Variants in SLC13A4 observed in about 807,000 individuals in gnomAD.
SLC13A4 encodes solute carrier family 13 member 4.
SLC13A4 carries 28 observed loss-of-function variants against 72.7 expected under a neutral mutation model. That is an observed-to-expected ratio of 0.39 (90% CI 0.29 to 0.53). The LOEUF (loss-of-function observed/expected upper bound fraction) is 0.53. Among genes scored for constraint, SLC13A4 ranks in the 20% least tolerant of loss-of-function variants. SLC13A4 has a pLI of 0.78. For missense variants in SLC13A4, 653 were observed against 788.0 expected (o/e 0.83, Z 2.05); for synonymous variants, 312 against 325.5 (o/e 0.96, Z 0.45).
At chr7:135,691,028 A>G (rs1323201797) in intron 13 of SLC13A4, among the ~76,000 whole-genome samples, 173 bp downstream of exon 13, 1 of 152,026 alleles carries the variant, frequency 6.6e-6, no homozygotes, top group Admixed American at 6.6e-5. Flanking sequence ...AGCTGGCATC[A>G]TGGTGCACGC....
intron 14 of SLC13A4, among the ~76,000 whole-genome samples, chr7:135,685,240 A>G (rs979940382): frequency 6.6e-6 from 1 of 152,116 alleles, no homozygotes; most frequent in African/African-American, 2.4e-5. Flanking sequence ...ATTATTTTGT[A>G]TGTTCTTTGG....
At chr7:135,718,554 G>A (rs1410117064) in intron 2 of SLC13A4, among the ~76,000 whole-genome samples, 2 of 151,902 alleles carry the variant, frequency 1.3e-5, no homozygotes, top group Admixed American at 1.3e-4. Flanking sequence ...GTTTATATCT[G>A]GTGTATCTGA....
intron 2 of SLC13A4, among the ~76,000 whole-genome samples, chr7:135,719,139 G>A (rs899152912): frequency 2.6e-5 from 4 of 152,056 alleles, no homozygotes; most frequent in African/African-American, 4.8e-5. Context: ...TCCCTCCCTG[G>A]ACAGTCTTCC....
chr7:135,690,180 C>CAA lies in SLC13A4; in HGVS notation c.1446+1019_1446+1020dup, dbSNP rs57390577. Among the ~76,000 whole-genome samples the CAA allele has an allele frequency of 1.1e-3, 33 of 29,572 alleles. 1 individual carries two copies. The highest frequency in any genetic ancestry group is 1.4e-3 in the Non-Finnish European group (20 of 13,834). The allele number at this position is 29,572 out of a possible 152,430, so 19.4% of individuals were successfully genotyped here. A position where few individuals can be genotyped will look rare whatever the true frequency, so the allele number is the denominator to read the frequency against. On this transcript the variant is annotated intron_variant, in intron 13 of 15. Coordinates refer to ENST00000682651, the MANE Select transcript of SLC13A4 (RefSeq NM_001318192.2). Reference sequence around the variant, plus strand: ...TAGGTGACAGAGTGAGACTCTGTCTCAAAAAAAAAAAAAAAAAAAAAAAAA... The same window carrying CAA: ...TAGGTGACAGAGTGAGACTCTGTCTCAAAAAAAAAAAAAAAAAAAAAAAAAAA...
At chr7:135,711,829 C>T (rs1456719823) in intron 2 of SLC13A4, among the ~76,000 whole-genome samples, 1 of 152,044 alleles carries the variant, frequency 6.6e-6, no homozygotes, top group Non-Finnish European at 1.5e-5. Flanking sequence ...GCAATCTCGG[C>T]TCACTACAAC....
Position 135,692,219 on chromosome 7 carries a change from A to G in SLC13A4, c.1223+104T>C, listed in dbSNP as rs1795803666. The stretch of plus-strand genomic sequence containing the variant: ...CTAAAAAGAGTGGATTTCCTGGGGA[A>G]TGAAATCTTCCTGGCTTCATATCTG... On this transcript the variant is annotated intron_variant, in intron 11 of 15. Transcript: ENST00000682651. The G allele has an allele frequency of 6.0e-6, 5 of 839,882 alleles. No homozygotes were observed. The South Asian group carries it at 7.3e-5, about 12-fold the overall frequency. The allele number at this position is 839,882 out of a possible 1,614,324, so 52.0% of individuals were successfully genotyped here. A position where few individuals can be genotyped will look rare whatever the true frequency, so the allele number is the denominator to read the frequency against.
intron 3 of SLC13A4, among the ~76,000 whole-genome samples, chr7:135,706,748 A>G (rs1796172841): frequency 6.6e-6 from 1 of 152,214 alleles, no homozygotes; most frequent in African/African-American, 2.4e-5. Context: ...CACCATAGAT[A>G]TCAGTGACCC....
chr7:135,681,550 T>G lies in SLC13A4; in HGVS notation c.*13A>C, dbSNP rs766053386. The G allele has an allele frequency of 6.2e-7, 1 of 1,611,336 alleles. No individual in the cohort carries two copies. Among genetic ancestry groups the G allele is most frequent in the Non-Finnish European group, 8.5e-7 (1 of 1,178,326 alleles). On this transcript the variant is annotated 3_prime_UTR_variant, in exon 16 of 16. Coordinates refer to ENST00000682651, the MANE Select transcript of SLC13A4 (RefSeq NM_001318192.2). Reference sequence around the variant, plus strand: ...GGCAGCTCCTGTGGTTGGGCCAGTTTGTACACTTGGCGTTAGGCTTGATCA... The same window carrying G: ...GGCAGCTCCTGTGGTTGGGCCAGTTGGTACACTTGGCGTTAGGCTTGATCA...
At chr7:135,710,183 T>C (rs1796267322) in intron 2 of SLC13A4, among the ~76,000 whole-genome samples, 1 of 152,110 alleles carries the variant, frequency 6.6e-6, no homozygotes, top group Admixed American at 6.6e-5. Context: ...AGGAAATACA[T>C]AGTAAAATAC....
intron 10 of SLC13A4, chr7:135,693,125 ATAGT>A (rs1465067174): frequency 6.6e-6 from 1 of 150,942 alleles, no homozygotes; most frequent in Non-Finnish European, 1.5e-5. Flanking sequence ...AAAAAAAAAA[ATAGT>A]TGGTCATTCC....
At chr7:135,697,274 T>G (rs1422495831) in intron 8 of SLC13A4, among the ~76,000 whole-genome samples, 1 of 152,260 alleles carries the variant, frequency 6.6e-6, no homozygotes, top group African/African-American at 2.4e-5. Flanking sequence ...TGCCTTGACA[T>G]TCACAGGTCT....
intron 12 of SLC13A4, 102 bp downstream of exon 12, chr7:135,691,446 G>A (rs192537837): frequency 7.7e-6 from 5 of 649,922 alleles, no homozygotes; most frequent in East Asian, 4.6e-5. Flanking sequence ...GGCCGGGAGG[G>A]GGGTGGGAAT....
intron 1 of SLC13A4, among the ~76,000 whole-genome samples, chr7:135,724,279 G>T (rs1250685830): frequency 6.6e-6 from 1 of 152,186 alleles, no homozygotes; most frequent in Admixed American, 6.5e-5. Flanking sequence ...TGGATCAGTT[G>T]AGGTCAGGAG....
chr7:135,684,081 T>G, intron 15 of SLC13A4, 43 bp downstream of exon 15: 5 of 1,556,380 alleles, frequency 3.2e-6, no homozygotes, highest in Non-Finnish European at 4.4e-6. Context: ...ATCCCTGTCC[T>G]CATGGCAGCT....
At position 135,689,667 on chromosome 7, in the gene SLC13A4, A is replaced by G. The variant is rs372191232; in HGVS notation, c.1446+1534T>C. Reference sequence around the variant, plus strand: ...AGAACAGAGCTAGAGCCAACAGTGGACAGACAACATGCAGAAGACCTGAGC... The same window carrying G: ...AGAACAGAGCTAGAGCCAACAGTGGGCAGACAACATGCAGAAGACCTGAGC... On this transcript the variant is annotated intron_variant, in intron 13 of 15. Coordinates refer to ENST00000682651, the MANE Select transcript of SLC13A4 (RefSeq NM_001318192.2). Among the ~76,000 whole-genome samples, 120 of 152,242 alleles carry G rather than the reference A, an allele frequency of 7.9e-4. 1 individual carries two copies. The highest frequency in any genetic ancestry group is 2.8e-3 in the African/African-American group (116 of 41,540).
Position 135,681,504 on chromosome 7 carries a change from G to A in SLC13A4, c.*59C>T. 22 of 1,575,776 alleles carry A rather than the reference G, an allele frequency of 1.4e-5. No individual in the cohort carries two copies. Among genetic ancestry groups the A allele is most frequent in the Non-Finnish European group, 1.9e-5 (22 of 1,157,152 alleles). On this transcript the variant is annotated 3_prime_UTR_variant, in exon 16 of 16. Coordinates refer to ENST00000682651, the MANE Select transcript of SLC13A4 (RefSeq NM_001318192.2). ...GTCCTAGTGGTTTTCTTTGCCTGTG[G>A]TCCAGATACTGCTGGATACTGGCAG...
At position 135,683,491 on chromosome 7, in the gene SLC13A4, C is replaced by T. The variant is rs1051041841; in HGVS notation, c.1746+633G>A. 71 of 984,058 alleles carry T rather than the reference C, an allele frequency of 7.2e-5. No individual in the cohort carries two copies. In the African/African-American group the frequency reaches 1.1e-3, roughly 16 times the overall value. 61.0% of individuals were successfully genotyped at this position (984,058 alleles called of 1,614,324 possible). A position where few individuals can be genotyped will look rare whatever the true frequency, so the allele number is the denominator to read the frequency against. ...GTTTTCCATCCTCTCCCCCCCCGCT[C>T]AGCCCTGGATACTAAGTATAGCAGC... On this transcript the variant is annotated intron_variant, in intron 15 of 15. Coordinates refer to ENST00000682651, the MANE Select transcript of SLC13A4 (RefSeq NM_001318192.2).
rs1795796264 is a variant in SLC13A4 at position 135,691,889 on chromosome 7, T to A, written c.1224-244A>T. On this transcript the variant is annotated intron_variant, in intron 11 of 15. Transcript: ENST00000682651. ...TAATGTGAATTTGTGAGCCCGTTAATTGGGGCAAGTCCTAGATGGAGTGAT... is the reference window on the plus strand; with the variant it reads ...TAATGTGAATTTGTGAGCCCGTTAAATGGGGCAAGTCCTAGATGGAGTGAT... 2.1e-5 allele frequency: 10 copies of A among 471,804 alleles called. No homozygotes were observed. In the South Asian group the frequency reaches 2.3e-4, roughly 11 times the overall value. The allele number at this position is 471,804 out of a possible 1,614,324, so 29.2% of individuals were successfully genotyped here. A position where few individuals can be genotyped will look rare whatever the true frequency, so the allele number is the denominator to read the frequency against.
At chr7:135,706,731 G>A (rs934194357) in intron 3 of SLC13A4, among the ~76,000 whole-genome samples, 6 of 152,156 alleles carry the variant, frequency 3.9e-5, no homozygotes, top group African/African-American at 7.2e-5. Context: ...TTGCTTTGCC[G>A]CCAAGTCACC....
Sources: gnomAD v4.1 joint callset for allele counts (sites outside exome capture counted in the v4.1 genomes callset) on GRCh38, gnomAD v4.1.1 for gene constraint, MANE v1.5 for transcripts, NCBI Gene and HGNC (gene_info 2026-07-23, HGNC 2026-07-21) for gene names.